Variants in SH3YL1 observed in about 807,000 individuals in gnomAD.
SH3YL1 encodes SH3 domain-containing YSC84-like protein 1.
SH3YL1 carries 41 observed loss-of-function variants against 45.8 expected under a neutral mutation model. The ratio of observed to expected loss-of-function variants is 0.89; its 90% CI spans 0.70 to 1.16. The LOEUF is 1.16. SH3YL1 is among the 50% of genes most tolerant of loss of function. The pLI is 0.00. For missense variants in SH3YL1, 389 were observed against 409.6 expected (o/e 0.95, Z 0.43); for synonymous variants, 152 against 151.4 (o/e 1.00, Z -0.03).
At chr2:238,288 T>TGC (rs1668394769) in intron 4 of SH3YL1, among the ~76,000 whole-genome samples, 1 of 151,652 alleles carries the variant, frequency 6.6e-6, no homozygotes. Context: ...TGTGTGTGTG[T>TGC]GTGTGTGTGT....
At chr2:242,354 T>G (rs1668580079) in intron 4 of SH3YL1, among the ~76,000 whole-genome samples, 2 of 152,140 alleles carry the variant, frequency 1.3e-5, no homozygotes, top group African/African-American at 4.8e-5. Flanking sequence ...ATATATAGAT[T>G]TAATATGTAT....
chr2:233,226 G>A lies in SH3YL1; in HGVS notation c.408C>T (p.Asn136=). The A allele has an allele frequency of 1.9e-6, 3 of 1,567,618 alleles. No homozygotes were observed. Among genetic ancestry groups the A allele is most frequent in the Non-Finnish European group, 2.6e-6 (3 of 1,156,694 alleles). ...LTVAVGPLGR[N]LEGNVALRSS... ...TTCTCAGGGCCACGTTTCCTTCCAAGTTCCTGCAAAGCACAAGATTTTGCA... is the reference window on the plus strand; with the variant it reads ...TTCTCAGGGCCACGTTTCCTTCCAAATTCCTGCAAAGCACAAGATTTTGCA... The change falls in exon 6 of 10, where the codon AAC becomes AAT. Residue 136 remains asparagine (N), a synonymous_variant. Coordinates refer to ENST00000356150, the MANE Select transcript of SH3YL1 (RefSeq NM_015677.4).
chr2:260,609 A>G (rs1056613532), intron 1 of SH3YL1: 9 of 152,248 alleles, frequency 5.9e-5, no homozygotes, highest in African/African-American at 2.2e-4. Context: ...GGAACCTGGC[A>G]GAAGGTGGAG....
intron 1 of SH3YL1, among the ~76,000 whole-genome samples, chr2:257,085 GTTTT>G (rs1553296906): frequency 6.6e-6 from 1 of 151,952 alleles, no homozygotes; most frequent in African/African-American, 2.4e-5. Context: ...TAACGGAGTT[GTTTT>G]TTTGCTTGTT....
chr2:236,077 T>G (rs1295041573), intron 4 of SH3YL1, among the ~76,000 whole-genome samples: 1 of 35,856 alleles, frequency 2.8e-5, no homozygotes, highest in Non-Finnish European at 5.9e-5. Flanking sequence ...GGAGGCAGCA[T>G]GGGCCAGGGG....
intron 4 of SH3YL1, among the ~76,000 whole-genome samples, chr2:236,624 C>G (rs1421102886): frequency 6.6e-6 from 1 of 152,138 alleles, no homozygotes; most frequent in African/African-American, 2.4e-5. Context: ...AATAGTGGCA[C>G]ACATTCAAGG....
chr2:218,795 G>A lies in SH3YL1; in HGVS notation c.*16C>T, dbSNP rs749400955. 1.0e-5 allele frequency: 16 copies of A among 1,547,716 alleles called. No individual in the cohort carries two copies. Among genetic ancestry groups the A allele is most frequent in the Admixed American group, 3.7e-5 (2 of 54,000 alleles). ...TAATTTTTTTGTAATTCTCAAAGAA[G>A]AAAATAGTATACGCTTTAATTCATG... On this transcript the variant is annotated 3_prime_UTR_variant, in exon 10 of 10. Coordinates refer to ENST00000356150, the MANE Select transcript of SH3YL1 (RefSeq NM_015677.4).
Position 231,127 on chromosome 2 carries a change from C to A in SH3YL1, c.598G>T (p.Ala200Ser). Residue 200 changes from alanine to serine, a missense_variant, in exon 7 of 10, where the codon GCC becomes TCC. Physicochemically the swap from Ala to Ser is moderately conservative, Grantham distance 99. Coordinates refer to ENST00000356150, the MANE Select transcript of SH3YL1 (RefSeq NM_015677.4). ...TCAAGAATTTCATAAAGATCTTCGG[C>A]TTGAGCAGGCCGCGGTGTATCTCCA... ...LFGDTPRPAQ[A>S]EDLYEILDSF... 6.2e-7 allele frequency: 1 copy of A among 1,614,094 alleles called. No homozygotes were observed. The highest frequency in any genetic ancestry group is 2.2e-5 in the East Asian group (1 of 44,882).
intron 7 of SH3YL1, 117 bp downstream of exon 7, chr2:230,906 T>C: frequency 1.1e-6 from 1 of 902,278 alleles, no homozygotes; most frequent in South Asian, 1.4e-5. Context: ...GAATGTGAAG[T>C]CAGTGAAACT....
chr2:263,927 C>T (rs1462627450), intron 1 of SH3YL1, 57 bp downstream of exon 1: 1 of 1,414,596 alleles, frequency 7.1e-7, no homozygotes, highest in East Asian at 2.7e-5. Context: ...CTCCCACCAC[C>T]GCCCAGCTCT....
At chr2:254,382 A>G (rs1187799562) in intron 1 of SH3YL1, among the ~76,000 whole-genome samples, 1 of 152,198 alleles carries the variant, frequency 6.6e-6, no homozygotes, top group Non-Finnish European at 1.5e-5. Context: ...TGGACGAGGG[A>G]TCAGCAGAGC....
chr2:230,323 G>A (rs1021235541), intron 7 of SH3YL1: 7 of 254,218 alleles, frequency 2.8e-5, no homozygotes, highest in Non-Finnish European at 4.5e-5. Flanking sequence ...CTGCAGGGAC[G>A]GTGGTGTAGT....
intron 9 of SH3YL1, among the ~76,000 whole-genome samples, chr2:223,417 C>T (rs1667660442): frequency 6.6e-6 from 1 of 152,160 alleles, no homozygotes; most frequent in Non-Finnish European, 1.5e-5. Flanking sequence ...GATCCCCTCC[C>T]TTCCCAAGCA....
At chr2:255,886 C>A (rs1209322844) in intron 1 of SH3YL1, 1 of 152,226 alleles carries the variant, frequency 6.6e-6, no homozygotes, top group Non-Finnish European at 1.5e-5. Context: ...TGTATTTTGG[C>A]ATGTTGCATT....
chr2:218,845 CCA>C lies in SH3YL1; in HGVS notation c.993_994del (p.Gly332HisfsTer29). 1 of 1,613,518 alleles carries C rather than the reference CCA, an allele frequency of 6.2e-7. No homozygotes were observed. Reference sequence around the variant, plus strand: ...GGTTACGTAGTTGGCTGGAAAAATGCCAGTTTGACCTCGAAGTTTTCCTTCCC... The same window carrying C: ...GGTTACGTAGTTGGCTGGAAAAATGCGTTTGACCTCGAAGTTTTCCTTCCC... On this transcript the variant is annotated frameshift_variant, in exon 10 of 10. Coordinates refer to ENST00000356150, the MANE Select transcript of SH3YL1 (RefSeq NM_015677.4). LOFTEE classifies it high-confidence loss of function.
chr2:261,549 G>A (rs1039979941), intron 1 of SH3YL1, among the ~76,000 whole-genome samples: 21 of 151,984 alleles, frequency 1.4e-4, no homozygotes, highest in South Asian at 6.2e-4. Context: ...ATAAAATACC[G>A]GAAAGACAAT....
At chr2:231,219 T>A in intron 6 of SH3YL1, 28 bp from the exon 7 acceptor site, 1 of 1,517,438 alleles carries the variant, frequency 6.6e-7, no homozygotes, top group Non-Finnish European at 9.0e-7. Context: ...ATTAAAAACA[T>A]TTTAATATAC....
chr2:233,114 C>A lies in SH3YL1; in HGVS notation c.520G>T (p.Glu174Ter). Reference protein sequence around the residue: ...LEGSCLIERKETNRKFYCQDI... With the variant: ...LEGSCLIERK ...ACTTGAACTGACTTTCTATTAGTTT[C>A]TTTCCTTTCAATCAAACAGCTCCCT... The change falls in exon 6 of 10, where the codon GAA becomes TAA. Residue 174 changes from glutamate (E) to a stop codon, truncating the protein, a stop_gained. Transcript: ENST00000356150. LOFTEE classifies it high-confidence loss of function. 1 of 1,578,710 alleles carries A rather than the reference C, an allele frequency of 6.3e-7. No individual in the cohort carries two copies. The highest frequency in any genetic ancestry group is 2.3e-5 in the East Asian group (1 of 44,048).
rs1470923671 is a variant in SH3YL1 at position 247,692 on chromosome 2, G to C, written c.227-90C>G. The stretch of plus-strand genomic sequence containing the variant: ...GGAAAAATGCTAAAATCTAAAGAGT[G>C]CTTCTATTGAAAATAATGAGACTTG... On this transcript the variant is annotated intron_variant, in intron 3 of 9. Coordinates refer to ENST00000356150, the MANE Select transcript of SH3YL1 (RefSeq NM_015677.4). 1.0e-4 allele frequency: 95 copies of C among 926,850 alleles called. No homozygotes were observed. The South Asian group carries it at 1.5e-3, about 15-fold the overall frequency. 57.4% of individuals were successfully genotyped at this position (926,850 alleles called of 1,614,324 possible).
Sources: gnomAD v4.1 joint callset for allele counts (sites outside exome capture counted in the v4.1 genomes callset) on GRCh38, gnomAD v4.1.1 for gene constraint, MANE v1.5 for transcripts, NCBI Gene and HGNC (gene_info 2026-07-23, HGNC 2026-07-21) for gene names.